PEX7: variants seen among roughly 807,000 people sequenced by gnomAD.
PEX7 encodes PTS2 receptor.
In PEX7, 34 loss-of-function variants were observed where a neutral mutation model predicts 47.5. The observed-to-expected ratio is 0.72, with a 90% CI of 0.54 to 0.95. The LOEUF (loss-of-function observed/expected upper bound fraction) is 0.95, where lower values mean the gene tolerates loss of function less well. PEX7 is among the 40% of genes least tolerant of loss of function. PEX7 has a pLI of 0.00. For missense variants in PEX7, 394 were observed against 400.3 expected, an observed-to-expected ratio of 0.98 and a Z score of 0.13; for synonymous variants, 141 against 148.8, an observed-to-expected ratio of 0.95 and a Z score of 0.38.
At chr6:136,828,562 C>T (rs941919736) in intron 3 of PEX7, among the ~76,000 whole-genome samples, 12 of 152,202 alleles carry the variant, frequency 7.9e-5, no homozygotes, top group Admixed American at 1.3e-4. Context: ...AAATAGCCAT[C>T]GTGCTCTCTT....
chr6:136,899,611 C>T (rs575560135), intron 9 of PEX7, among the ~76,000 whole-genome samples: 2 of 152,182 alleles, frequency 1.3e-5, no homozygotes, highest in South Asian at 4.1e-4. Context: ...AACTCCTGAC[C>T]TCAAGTGATC....
At chr6:136,888,526 T>A (rs866035149) in intron 8 of PEX7, among the ~76,000 whole-genome samples, 4 of 152,170 alleles carry the variant, frequency 2.6e-5, no homozygotes, top group Non-Finnish European at 5.9e-5. Flanking sequence ...CTTAATGTAG[T>A]CATCTTTGGT....
intron 3 of PEX7, chr6:136,830,051 G>T: frequency 1.4e-6 from 1 of 714,580 alleles, no homozygotes. Context: ...GCAACTAATG[G>T]GTCATTTTCT....
At chr6:136,848,455 T>G (rs1487575619) in intron 5 of PEX7, among the ~76,000 whole-genome samples, 3 of 152,210 alleles carry the variant, frequency 2.0e-5, no homozygotes, top group Non-Finnish European at 4.4e-5. Context: ...TTTTTACCCA[T>G]TCAGTAAATA....
intron 3 of PEX7, among the ~76,000 whole-genome samples, chr6:136,830,797 G>C (rs1054421933): frequency 6.6e-6 from 1 of 152,022 alleles, no homozygotes; most frequent in Admixed American, 6.6e-5. Context: ...TAATGAGTTG[G>C]CTTATCACAA....
Position 136,860,409 on chromosome 6 carries a change from C to CTTTT in PEX7, c.527-6200_527-6197dup, listed in dbSNP as rs386408726. ...AGAGGGGACAGCTCAAGCCATGGCT[C>CTTTT]TTTTTTTTTTTTTTTTTTTTTAAAT... is the stretch of plus-strand genomic sequence containing the variant. On this transcript the variant is annotated intron_variant, in intron 5 of 9. Coordinates refer to ENST00000318471, the MANE Select transcript of PEX7 (RefSeq NM_000288.4). 7.9e-3 allele frequency among the ~76,000 whole-genome samples: 901 copies of CTTTT among 113,914 alleles called. 18 individuals are homozygous for CTTTT. The highest frequency in any genetic ancestry group is 0.029 in the African/African-American group (857 of 29,316). 74.7% of individuals were successfully genotyped at this position (113,914 alleles called of 152,430 possible).
At chr6:136,907,123 G>A (rs1775857941) in intron 9 of PEX7, among the ~76,000 whole-genome samples, 1 of 152,044 alleles carries the variant, frequency 6.6e-6, no homozygotes, top group African/African-American at 2.4e-5. Context: ...CCAGAATTAA[G>A]TTCTTCTCTT....
chr6:136,864,738 G>A (rs1282626701), intron 5 of PEX7, among the ~76,000 whole-genome samples: 1 of 152,186 alleles, frequency 6.6e-6, no homozygotes, highest in Non-Finnish European at 1.5e-5. Context: ...GCAGTTTCTA[G>A]TATGTGTTAG....
At chr6:136,856,365 T>A (rs1348722996) in intron 5 of PEX7, among the ~76,000 whole-genome samples, 1 of 149,080 alleles carries the variant, frequency 6.7e-6, no homozygotes, top group East Asian at 2.0e-4. Flanking sequence ...TTTGCTCACA[T>A]AAGTGAAAAG....
At chr6:136,872,168 A>AG (rs553085940) in intron 7 of PEX7, 30 bp from the exon 8 acceptor site, 1 of 1,587,808 alleles carries the variant, frequency 6.3e-7, no homozygotes, top group Non-Finnish European at 8.6e-7. Context: ...GACTTCAAAA[A>AG]GGGTTTTTTT....
At chr6:136,886,390 T>A (rs1346554904) in intron 8 of PEX7, among the ~76,000 whole-genome samples, 2 of 152,182 alleles carry the variant, frequency 1.3e-5, no homozygotes, top group Non-Finnish European at 2.9e-5. Flanking sequence ...TGGGAAATGA[T>A]ACTGTGATCT....
chr6:136,910,026 A>G (rs917044219), intron 9 of PEX7, among the ~76,000 whole-genome samples: 2 of 152,202 alleles, frequency 1.3e-5, no homozygotes, highest in African/African-American at 4.8e-5. Flanking sequence ...GTCCTATGGT[A>G]TAAAAACTGA....
chr6:136,898,456 C>T (rs1292755387), intron 9 of PEX7, among the ~76,000 whole-genome samples: 1 of 152,210 alleles, frequency 6.6e-6, no homozygotes, highest in Non-Finnish European at 1.5e-5. Context: ...AAGGAACCTT[C>T]CCAGGAGGTA....
intron 3 of PEX7, among the ~76,000 whole-genome samples, chr6:136,827,837 T>TTG (rs1774224391): frequency 6.6e-6 from 1 of 150,452 alleles, no homozygotes; most frequent in Non-Finnish European, 1.5e-5. Context: ...CAGCCAATTT[T>TTG]TGTGTGTGTG....
chr6:136,844,406 T>G (rs1457678619), intron 3 of PEX7, among the ~76,000 whole-genome samples: 1 of 152,094 alleles, frequency 6.6e-6, no homozygotes, highest in African/African-American at 2.4e-5. Flanking sequence ...TTGTACAGCT[T>G]AGGGTTTTGA....
At chr6:136,867,719 G>T (rs963976650) in intron 6 of PEX7, among the ~76,000 whole-genome samples, 1 of 152,104 alleles carries the variant, frequency 6.6e-6, no homozygotes, top group African/African-American at 2.4e-5. Flanking sequence ...AGAGGCTGCA[G>T]TGAGCCAAGA....
chr6:136,893,558 G>C (rs1775593830), intron 8 of PEX7, among the ~76,000 whole-genome samples: 1 of 152,212 alleles, frequency 6.6e-6, no homozygotes, highest in African/African-American at 2.4e-5. Flanking sequence ...GGAGGGCTGA[G>C]GCCATGTCTG....
chr6:136,871,049 A>G (rs569715110), intron 7 of PEX7, among the ~76,000 whole-genome samples: 1 of 152,324 alleles, frequency 6.6e-6, no homozygotes, highest in Non-Finnish European at 1.5e-5. Flanking sequence ...TCTGGCTGCA[A>G]TGCAACATAG....
intron 8 of PEX7, among the ~76,000 whole-genome samples, chr6:136,876,456 A>G (rs1775274681): frequency 6.6e-6 from 1 of 152,166 alleles, no homozygotes; most frequent in Non-Finnish European, 1.5e-5. Context: ...AGTCATCTAC[A>G]TTAGGTATTT....
Sources: gnomAD v4.1 joint callset for allele counts (sites outside exome capture counted in the v4.1 genomes callset) on GRCh38, gnomAD v4.1.1 for gene constraint, MANE v1.5 for transcripts, NCBI Gene and HGNC (gene_info 2026-07-23, HGNC 2026-07-21) for gene names.